The following SEPTIN10 variants were observed in gnomAD, a reference collection of about 807,000 sequenced individuals.
The protein encoded by SEPTIN10 is septin-10.
Under a neutral mutation model 54.8 loss-of-function variants are expected in SEPTIN10, and 66 were observed. That is an observed-to-expected ratio of 1.21 (90% CI 0.99 to 1.48). SEPTIN10 has a LOEUF of 1.48. Among genes scored for constraint, SEPTIN10 ranks in the 40% most tolerant of loss-of-function variants. The pLI is 0.00. For missense variants in SEPTIN10, 620 were observed against 545.6 expected (o/e 1.14, Z -1.36); for synonymous variants, 161 against 181.0 (o/e 0.89, Z 0.89).
rs56629425 is a variant in SEPTIN10, at chr2:109,544,279, G to A, written c.*30C>T. 5.0e-6 allele frequency: 8 copies of A among 1,612,624 alleles called. No homozygotes were observed. Among genetic ancestry groups the A allele is most frequent in the Non-Finnish European group, 6.8e-6 (8 of 1,179,722 alleles). ...TTTTTTAATAAAGTTTGCTTGTGAT[G>A]ATGACCTTCTGTGCTCTGGAACTTC... On this transcript the variant is annotated 3_prime_UTR_variant, in exon 11 of 11. Coordinates refer to ENST00000397712, the MANE Select transcript of SEPTIN10 (RefSeq NM_144710.5).
intron 1 of SEPTIN10, among the ~76,000 whole-genome samples, chr2:109,600,486 C>G (rs1229411618): frequency 6.6e-6 from 1 of 151,780 alleles, no homozygotes; most frequent in Non-Finnish European, 1.5e-5. Flanking sequence ...CCAAACTGCC[C>G]CTCAAAAAGA....
At chr2:109,604,559 C>G (rs1697501404) in intron 1 of SEPTIN10, among the ~76,000 whole-genome samples, 1 of 150,886 alleles carries the variant, frequency 6.6e-6, no homozygotes, top group African/African-American at 2.4e-5. Context: ...AACCCTGTCT[C>G]CAGTAAAAAT....
intron 9 of SEPTIN10, chr2:109,552,403 A>G (rs1683189217): frequency 6.6e-6 from 1 of 152,238 alleles, no homozygotes; most frequent in Non-Finnish European, 1.5e-5. Flanking sequence ...AGCCATAGTA[A>G]AAATGTTTAT....
chr2:109,562,904 C>T lies in SEPTIN10; in HGVS notation c.1028+1462G>A, dbSNP rs114910149. Reference sequence around the variant, plus strand: ...ATTTGGTGAGGGTGGGTTAAGTACACACAATGCTTTTTTTTTTTTTCTTTG... The same window carrying T: ...ATTTGGTGAGGGTGGGTTAAGTACATACAATGCTTTTTTTTTTTTTCTTTG... On this transcript the variant is annotated intron_variant, in intron 8 of 10. Coordinates refer to ENST00000397712, the MANE Select transcript of SEPTIN10 (RefSeq NM_144710.5). Among the ~76,000 whole-genome samples the T allele has an allele frequency of 4.8e-3, 720 of 151,134 alleles. 5 individuals carry two copies. Among genetic ancestry groups the T allele is most frequent in the African/African-American group, 0.017 (683 of 41,288 alleles).
intron 2 of SEPTIN10, among the ~76,000 whole-genome samples, chr2:109,588,173 A>C (rs1168142880): frequency 6.6e-6 from 1 of 152,162 alleles, no homozygotes; most frequent in Non-Finnish European, 1.5e-5. Flanking sequence ...TGAAGGCAAA[A>C]TGAAGACAAC....
At chr2:109,552,219 C>G (rs1324457686) in intron 9 of SEPTIN10, among the ~76,000 whole-genome samples, 2 of 152,208 alleles carry the variant, frequency 1.3e-5, no homozygotes, top group African/African-American at 4.8e-5. Flanking sequence ...GAAAAACTGT[C>G]TTCCAGGAAA....
At chr2:109,567,727 G>A in intron 6 of SEPTIN10, 88 bp downstream of exon 6, 1 of 1,242,602 alleles carries the variant, frequency 8.0e-7, no homozygotes, top group Non-Finnish European at 1.1e-6. Context: ...GAAGACACAA[G>A]TGAAAGTGTA....
intron 5 of SEPTIN10, among the ~76,000 whole-genome samples, chr2:109,573,771 T>G (rs1688931817): frequency 6.6e-6 from 1 of 152,206 alleles, no homozygotes; most frequent in African/African-American, 2.4e-5. Flanking sequence ...TAAACAAATA[T>G]AAAAATCTGA....
intron 8 of SEPTIN10, among the ~76,000 whole-genome samples, chr2:109,553,544 C>CAAA (rs566919224): frequency 5.1e-4 from 49 of 95,528 alleles, no homozygotes; most frequent in African/African-American, 1.4e-3. Flanking sequence ...ACTCTGTCTC[C>CAAA]AAAAAAAAAA....
intron 4 of SEPTIN10, among the ~76,000 whole-genome samples, chr2:109,579,718 T>G (rs780238217): frequency 1.3e-5 from 2 of 151,712 alleles, no homozygotes; most frequent in Non-Finnish European, 2.9e-5. Context: ...CTACCAAACA[T>G]TCCAGGGAAA....
Position 109,574,564 on chromosome 2 carries a change from T to C in SEPTIN10, c.600+17A>G. 1 of 1,459,994 alleles carries C rather than the reference T, an allele frequency of 6.8e-7. No homozygotes were observed. The highest frequency in any genetic ancestry group is 2.5e-5 in the Admixed American group (1 of 40,782). The allele number at this position is 1,459,994 out of a possible 1,614,324, so 90.4% of individuals were successfully genotyped here. A position where few individuals can be genotyped will look rare whatever the true frequency, so the allele number is the denominator to read the frequency against. On this transcript the variant is annotated intron_variant, in intron 5 of 10. Coordinates refer to ENST00000397712, the MANE Select transcript of SEPTIN10 (RefSeq NM_144710.5). ...AAATATTAAAGTATGGTAAGTTGAT[T>C]CCTTTCCTCAACCCACCTTGCTGTC...
intron 1 of SEPTIN10, among the ~76,000 whole-genome samples, chr2:109,604,571 C>CA (rs1337400701): frequency 1.4e-5 from 2 of 148,094 alleles, no homozygotes; most frequent in Non-Finnish European, 3.0e-5. Flanking sequence ...AGTAAAAATA[C>CA]AAAAAATTAG....
At chr2:109,563,285 A>C (rs2105125211) in intron 8 of SEPTIN10, among the ~76,000 whole-genome samples, 1 of 152,290 alleles carries the variant, frequency 6.6e-6, no homozygotes, top group Non-Finnish European at 1.5e-5. Flanking sequence ...GACTGAAGAA[A>C]TTTAAAAATT....
At chr2:109,551,349 C>CTT (rs1682917230) in intron 9 of SEPTIN10, among the ~76,000 whole-genome samples, 1 of 152,176 alleles carries the variant, frequency 6.6e-6, no homozygotes, top group South Asian at 2.1e-4. Context: ...TGAGTGGTAT[C>CTT]TTTTTATTAG....
intron 2 of SEPTIN10, among the ~76,000 whole-genome samples, chr2:109,589,261 G>A (rs1390856917): frequency 6.6e-6 from 1 of 152,082 alleles, no homozygotes; most frequent in Admixed American, 6.6e-5. Context: ...GGTCAGGTGC[G>A]GTGGCTCATG....
At chr2:109,606,413 C>CA (rs1676444751) in intron 1 of SEPTIN10, among the ~76,000 whole-genome samples, 2 of 151,626 alleles carry the variant, frequency 1.3e-5, no homozygotes, top group Non-Finnish European at 2.9e-5. Context: ...GACTCTGTCT[C>CA]AAAAAACAAA....
chr2:109,565,971 G>T, intron 6 of SEPTIN10, 112 bp from the exon 7 acceptor site: 1 of 980,822 alleles, frequency 1.0e-6, no homozygotes, highest in East Asian at 2.4e-5. Flanking sequence ...TATTAAAATC[G>T]AATGGTCAGC....
In SEPTIN10 at chr2:109,553,096, AGCTTCTTTCAATATG is replaced by A; in HGVS notation, c.1137_1151del (p.Ile380_Ala384del). 6.2e-7 allele frequency: 1 copy of A among 1,612,538 alleles called. No individual in the cohort carries two copies. The highest frequency in any genetic ancestry group is 8.5e-7 in the Non-Finnish European group (1 of 1,179,934). Reference sequence around the variant, plus strand: ...AAACCAGCATACTTGCCTCTCTCTCAGCTTCTTTCAATATGGCTTCTTTCTCCTTTACTCGCTGCA... The same window carrying A: ...AAACCAGCATACTTGCCTCTCTCTCAGCTTCTTTCTCCTTTACTCGCTGCA... On this transcript the variant is annotated inframe_deletion, in exon 9 of 11. Coordinates refer to ENST00000397712, the MANE Select transcript of SEPTIN10 (RefSeq NM_144710.5).
chr2:109,574,860 T>G (rs1349978834), intron 4 of SEPTIN10, 93 bp from the exon 5 acceptor site: 9 of 839,208 alleles, frequency 1.1e-5, no homozygotes, highest in Non-Finnish European at 1.4e-5. Flanking sequence ...ATATTTTCAC[T>G]AATTAATAAA....
Sources: gnomAD v4.1 joint callset for allele counts (sites outside exome capture counted in the v4.1 genomes callset) on GRCh38, gnomAD v4.1.1 for gene constraint, MANE v1.5 for transcripts, NCBI Gene and HGNC (gene_info 2026-07-23, HGNC 2026-07-21) for gene names.